Variants in TRMT9B observed in about 807,000 individuals in gnomAD.
TRMT9B encodes probable tRNA methyltransferase 9B.
In TRMT9B, 16 loss-of-function variants were observed where a neutral mutation model predicts 11.5. The observed-to-expected ratio is 1.39, with a 90% CI of 0.94 to 2.11. The LOEUF (loss-of-function observed/expected upper bound fraction) is 2.11, where lower values mean the gene tolerates loss of function less well. TRMT9B is among the 30% of genes most tolerant of loss of function. The pLI, the probability that TRMT9B is intolerant of heterozygous loss-of-function variation, is 0.00. For synonymous variants in TRMT9B, 274 were observed against 192.4 expected (o/e 1.42, Z -3.51); for missense variants, 941 against 553.8 (o/e 1.70, Z -7.02).
chr8:12,982,904 G>A (rs991566822), intron 1 of TRMT9B, among the ~76,000 whole-genome samples: 2 of 152,082 alleles, frequency 1.3e-5, no homozygotes, highest in African/African-American at 2.4e-5. Flanking sequence ...ACTCCTCTTC[G>A]GATGCTATCT....
Position 13,021,215 on chromosome 8 carries a change from G to C in TRMT9B, c.536G>C (p.Arg179Thr), listed in dbSNP as rs776497454. Residue 179 changes from arginine to threonine, a missense_variant, in exon 5 of 5, where the codon AGG becomes ACG. Arg to Thr is a moderately conservative substitution (Grantham distance 71). Transcript: ENST00000524591. ...GAGTCCAGCCAGTCTGGGAGGAAGA[G>C]GCAGTGTGGATACCCAGAAAGAGGC... ...FSESSQSGRK[R>T]QCGYPERGHP... 2.5e-6 allele frequency: 4 copies of C among 1,613,906 alleles called. No homozygotes were observed. The highest frequency in any genetic ancestry group is 3.4e-6 in the Non-Finnish European group (4 of 1,179,832).
intron 4 of TRMT9B, among the ~76,000 whole-genome samples, chr8:13,017,670 G>A (rs960301307): frequency 1.4e-5 from 2 of 139,146 alleles, no homozygotes; most frequent in African/African-American, 5.4e-5. Flanking sequence ...TTGGAGTACA[G>A]TGGCATGATC....
intron 3 of TRMT9B, 76 bp from the exon 4 acceptor site, chr8:13,012,608 T>C: frequency 6.8e-7 from 1 of 1,478,728 alleles, no homozygotes; most frequent in Non-Finnish European, 9.1e-7. Flanking sequence ...TTAATTATAT[T>C]TCTTGTTATG....
intron 1 of TRMT9B, among the ~76,000 whole-genome samples, chr8:12,956,107 G>C (rs561895926): frequency 8.3e-4 from 127 of 152,286 alleles, no homozygotes; most frequent in African/African-American, 2.9e-3. Context: ...CTCCCTGCAA[G>C]AACACTGTGC....
In TRMT9B at chr8:13,028,917, C is replaced by T. The variant is rs547332100; in HGVS notation, c.*6873C>T. 18 of 167,134 alleles carry T rather than the reference C, an allele frequency of 1.1e-4. No individual in the cohort carries two copies. Among genetic ancestry groups the T allele is most frequent in the Middle Eastern group, 3.4e-3 (1 of 296 alleles). 10.4% of individuals were successfully genotyped at this position (167,134 alleles called of 1,614,324 possible). On this transcript the variant is annotated 3_prime_UTR_variant, in exon 5 of 5. Transcript: ENST00000524591. ...TACTTCTCTGGTTATTTACACAAAACGCTGGCAATACATTAAGGCTCACTA... is the reference window on the plus strand; with the variant it reads ...TACTTCTCTGGTTATTTACACAAAATGCTGGCAATACATTAAGGCTCACTA...
intron 2 of TRMT9B, among the ~76,000 whole-genome samples, chr8:13,002,762 A>G (rs1441873644): frequency 6.6e-6 from 1 of 152,158 alleles, no homozygotes; most frequent in Non-Finnish European, 1.5e-5. Flanking sequence ...ATAAGAAACA[A>G]TATTTGCATA....
intron 3 of TRMT9B, chr8:13,011,585 G>T (rs1811618603): frequency 1.1e-6 from 1 of 938,784 alleles, no homozygotes; most frequent in South Asian, 4.9e-5. Flanking sequence ...CTAAGTATTA[G>T]ACTGTAGAAG....
intron 1 of TRMT9B, among the ~76,000 whole-genome samples, chr8:12,984,206 G>T (rs928955673): frequency 6.6e-6 from 1 of 152,170 alleles, no homozygotes; most frequent in Non-Finnish European, 1.5e-5. Context: ...TGAATTTTGT[G>T]TTTAGACTTG....
chr8:12,956,383 C>A (rs1801312698), intron 1 of TRMT9B, among the ~76,000 whole-genome samples: 1 of 152,132 alleles, frequency 6.6e-6, no homozygotes, highest in Non-Finnish European at 1.5e-5. Flanking sequence ...CCTTTTCAAA[C>A]AGATGGATGT....
chr8:12,999,928 T>C (rs1809097343), intron 2 of TRMT9B, among the ~76,000 whole-genome samples: 1 of 152,196 alleles, frequency 6.6e-6, no homozygotes, highest in African/African-American at 2.4e-5. Flanking sequence ...ACTTTTAATC[T>C]TTATGAAGAA....
chr8:13,000,610 T>C (rs766090112), intron 2 of TRMT9B, among the ~76,000 whole-genome samples: 7 of 152,218 alleles, frequency 4.6e-5, no homozygotes, highest in Non-Finnish European at 8.8e-5. Context: ...GTTTTTGTCA[T>C]CACATTTACG....
chr8:12,998,373 A>G (rs1183588652), intron 2 of TRMT9B, among the ~76,000 whole-genome samples: 1 of 152,238 alleles, frequency 6.6e-6, no homozygotes, highest in Non-Finnish European at 1.5e-5. Context: ...TTTAATTCAT[A>G]AATGTATGTC....
At chr8:13,020,787 A>G (rs1813675699) in intron 4 of TRMT9B, among the ~76,000 whole-genome samples, 1 of 152,236 alleles carries the variant, frequency 6.6e-6, no homozygotes, top group Admixed American at 6.5e-5. Context: ...CTTGCCCAAG[A>G]TCAGCCATCT....
At chr8:13,010,350 A>G in intron 3 of TRMT9B, 7 of 974,244 alleles carry the variant, frequency 7.2e-6, no homozygotes, top group Non-Finnish European at 8.5e-6. Flanking sequence ...GAAAGAAATG[A>G]AAAAGAAAGA....
intron 2 of TRMT9B, among the ~76,000 whole-genome samples, chr8:12,999,628 C>T (rs1055334559): frequency 2.0e-5 from 3 of 152,074 alleles, no homozygotes; most frequent in African/African-American, 7.2e-5. Flanking sequence ...ACATTTAGGG[C>T]CAGTGCTAGA....
chr8:13,022,809 T>C lies in TRMT9B; in HGVS notation c.*765T>C, dbSNP rs932310769. Reference sequence around the variant, plus strand: ...GAGTTCAAGAATAGCCTGGGCAACATAGCAAGACCCCATCTCTATAAAAAT... The same window carrying C: ...GAGTTCAAGAATAGCCTGGGCAACACAGCAAGACCCCATCTCTATAAAAAT... On this transcript the variant is annotated 3_prime_UTR_variant, in exon 5 of 5. Transcript: ENST00000524591. The C allele has an allele frequency of 1.2e-5, 2 of 165,396 alleles. No homozygotes were observed. The highest frequency in any genetic ancestry group is 4.8e-5 in the African/African-American group (2 of 41,406). The allele number at this position is 165,396 out of a possible 1,614,324, so 10.2% of individuals were successfully genotyped here.
At chr8:12,969,814 G>A (rs1354232391) in intron 1 of TRMT9B, among the ~76,000 whole-genome samples, 4 of 151,266 alleles carry the variant, frequency 2.6e-5, no homozygotes, top group Admixed American at 1.3e-4. Context: ...TAGGACTACA[G>A]GCCTGCACCA....
rs1021275782 is a variant in TRMT9B, at chr8:13,022,171, T to A, written c.*127T>A. On this transcript the variant is annotated 3_prime_UTR_variant, in exon 5 of 5. Transcript: ENST00000524591. The stretch of plus-strand genomic sequence containing the variant: ...TTTACGCTTTGGTCTGCAGAGACTA[T>A]TAATTATTTGGTTGTTTTGTTTTCA... 6 of 634,784 alleles carry A rather than the reference T, an allele frequency of 9.5e-6. No individual in the cohort carries two copies. In the Admixed American group the frequency reaches 2.3e-4, roughly 24 times the overall value. The allele number at this position is 634,784 out of a possible 1,614,324, so 39.3% of individuals were successfully genotyped here.
At position 12,945,771 on chromosome 8, in the gene TRMT9B, ATTTTTTGTG is replaced by A. The variant is rs1348415653; in HGVS notation, c.-386_-378del. On this transcript the variant is annotated 5_prime_UTR_variant, in exon 1 of 5. Transcript: ENST00000524591. ...TTTTTCTTTGTTTTATTCTTTTTTC[ATTTTTTGTG>A]TTTTTTGTTAGTTTGTTTTGAATTT... The A allele has an allele frequency of 6.6e-6, 1 of 151,636 alleles. No individual in the cohort carries two copies. Among genetic ancestry groups the A allele is most frequent in the African/African-American group, 2.4e-5 (1 of 41,268 alleles). 9.4% of individuals were successfully genotyped at this position (151,636 alleles called of 1,614,324 possible).
Sources: allele counts gnomAD v4.1 joint callset (sites outside exome capture counted in the v4.1 genomes callset), GRCh38; gene constraint gnomAD v4.1.1; transcripts MANE v1.5; gene names NCBI Gene and HGNC (gene_info 2026-07-23, HGNC 2026-07-21).